RAD54B: variants seen among roughly 807,000 people sequenced by gnomAD.
RAD54B encodes the protein RAD54 homolog B, also known as DNA repair and recombination protein RAD54B.
In RAD54B, 78 loss-of-function variants were observed where a neutral mutation model predicts 95.8. The observed-to-expected ratio is 0.81, with a 90% CI of 0.68 to 0.98. RAD54B has a LOEUF of 0.98. Ranked by LOEUF, RAD54B falls within the 50% of genes least tolerant of loss-of-function variation. The pLI is 0.00. For synonymous variants in RAD54B, 328 were observed against 354.9 expected (o/e 0.92, Z 0.85); for missense variants, 957 against 1,056.6 (o/e 0.91, Z 1.31).
chr8:94,407,789 C>A, intron 4 of RAD54B, 69 bp from the exon 5 acceptor site: 2 of 1,331,394 alleles, frequency 1.5e-6, no homozygotes, highest in Non-Finnish European at 1.0e-6. Flanking sequence ...CGTAACTGTA[C>A]AAAAAAACTG....
intron 1 of RAD54B, among the ~76,000 whole-genome samples, chr8:94,474,454 T>G (rs544864917): frequency 5.9e-5 from 9 of 152,242 alleles, no homozygotes; most frequent in Non-Finnish European, 1.0e-4. Context: ...CATTTTCCAT[T>G]TGGGATATTT....
intron 11 of RAD54B, among the ~76,000 whole-genome samples, 199 bp from the exon 12 acceptor site, chr8:94,380,605 G>T (rs774895309): frequency 6.6e-6 from 1 of 152,142 alleles, no homozygotes; most frequent in African/African-American, 2.4e-5. Flanking sequence ...AAGACAGTGC[G>T]GCAAAGACCT....
chr8:94,424,425 A>G (rs75743797), intron 3 of RAD54B, among the ~76,000 whole-genome samples: 413 of 152,324 alleles, frequency 2.7e-3, no homozygotes, highest in African/African-American at 9.5e-3. Flanking sequence ...TGTTTACACC[A>G]TCAACATTTG....
Position 94,459,368 on chromosome 8 carries a change from T to C in RAD54B, c.136-932A>G, listed in dbSNP as rs79320883. On this transcript the variant is annotated intron_variant, in intron 2 of 14. Transcript: ENST00000336148. ...GGTCTCACTATGTTGCCCAGGCTGG[T>C]CTGAACTCCTGGCCTCAAGCAATCT... Among the ~76,000 whole-genome samples, 132 of 151,758 alleles carry C rather than the reference T, an allele frequency of 8.7e-4. 1 individual carries two copies. Among genetic ancestry groups the C allele is most frequent in the East Asian group, 5.9e-4 (3 of 5,092 alleles).
At chr8:94,384,510 G>A (rs1810822852) in intron 11 of RAD54B, among the ~76,000 whole-genome samples, 2 of 35,598 alleles carry the variant, frequency 5.6e-5, no homozygotes, top group South Asian at 1.5e-3. Flanking sequence ...AGGAGTTGGT[G>A]TTTAATAGAT....
chr8:94,416,784 G>A (rs1409938014), intron 3 of RAD54B, among the ~76,000 whole-genome samples: 1 of 152,116 alleles, frequency 6.6e-6, no homozygotes, highest in African/African-American at 2.4e-5. Flanking sequence ...CTGCTGGTAG[G>A]AGTATAAAAT....
chr8:94,461,160 C>CTTTTTTTTTTT (rs57563259), intron 2 of RAD54B, among the ~76,000 whole-genome samples: 1 of 59,976 alleles, frequency 1.7e-5, no homozygotes, highest in African/African-American at 7.8e-5. Flanking sequence ...AAATACTCAT[C>CTTTTTTTTTTT]TTTTTTTTTT....
chr8:94,391,465 A>G (rs1811017129), intron 10 of RAD54B, 144 bp downstream of exon 10: 1 of 738,444 alleles, frequency 1.4e-6, no homozygotes, highest in Non-Finnish European at 2.1e-6. Flanking sequence ...GATAAGCTCT[A>G]CAGCAGAACC....
At chr8:94,454,496 T>C (rs1442557945) in intron 3 of RAD54B, among the ~76,000 whole-genome samples, 2 of 152,246 alleles carry the variant, frequency 1.3e-5, no homozygotes, top group Admixed American at 1.3e-4. Flanking sequence ...TAAAATATTT[T>C]AAAATATATT....
intron 6 of RAD54B, 55 bp from the exon 7 acceptor site, chr8:94,400,518 T>A: frequency 7.2e-7 from 1 of 1,390,374 alleles, no homozygotes; most frequent in Non-Finnish European, 9.8e-7. Flanking sequence ...TTTTATGCTC[T>A]TAAAATCATC....
intron 2 of RAD54B, among the ~76,000 whole-genome samples, chr8:94,459,744 C>G (rs1411139824): frequency 1.3e-5 from 2 of 151,784 alleles, no homozygotes; most frequent in Non-Finnish European, 2.9e-5. Flanking sequence ...CCTGTAATCC[C>G]AGCTGCTCAG....
rs1469067345 is a variant in RAD54B at position 94,387,109 on chromosome 8, G to A, written c.1860C>T (p.Tyr620=). The A allele has an allele frequency of 6.2e-7, 1 of 1,607,422 alleles. No individual in the cohort carries two copies. The highest frequency in any genetic ancestry group is 8.5e-7 in the Non-Finnish European group (1 of 1,177,662). Residue 620 remains tyrosine, a synonymous_variant, in exon 11 of 15, where the codon TAC becomes TAT. Transcript: ENST00000336148. ...TCDKNEEKSL[Y]KGLLSVFPAD... is the part of the protein sequence containing the mutation. ...CAGGAAACACACTTAGCAAGCCTTT[G>A]TATAGACTCTTTTCTTCATTTTTAT...
At chr8:94,455,831 T>C (rs1812766575) in intron 3 of RAD54B, among the ~76,000 whole-genome samples, 1 of 152,212 alleles carries the variant, frequency 6.6e-6, no homozygotes, top group African/African-American at 2.4e-5. Context: ...TCTGTGTTTC[T>C]ATCTCTTTCT....
chr8:94,417,797 A>G (rs182001737), intron 3 of RAD54B, among the ~76,000 whole-genome samples: 20 of 152,342 alleles, frequency 1.3e-4, no homozygotes, highest in African/African-American at 4.3e-4. Context: ...GATAAATTGT[A>G]TCTTCATTAC....
At chr8:94,429,928 C>CCA (rs1812043941) in intron 3 of RAD54B, 1 of 985,262 alleles carries the variant, frequency 1.0e-6, no homozygotes, top group Non-Finnish European at 1.2e-6. Flanking sequence ...TCCCTAAATG[C>CCA]CACTCCTCCT....
intron 3 of RAD54B, among the ~76,000 whole-genome samples, chr8:94,420,783 G>A (rs1262554558): frequency 2.0e-5 from 3 of 151,970 alleles, no homozygotes; most frequent in East Asian, 1.9e-4. Flanking sequence ...TCAGGAGTTC[G>A]AGACAAGCTT....
At chr8:94,434,658 T>G (rs898073356) in intron 3 of RAD54B, among the ~76,000 whole-genome samples, 1 of 151,234 alleles carries the variant, frequency 6.6e-6, no homozygotes, top group Non-Finnish European at 1.5e-5. Flanking sequence ...ATTATTAAGA[T>G]TCAAGGATGA....
intron 10 of RAD54B, among the ~76,000 whole-genome samples, chr8:94,388,466 G>A (rs942022362): frequency 2.0e-5 from 3 of 152,184 alleles, no homozygotes; most frequent in African/African-American, 7.2e-5. Context: ...TCGTAGTTCA[G>A]TTTTGGGGGA....
chr8:94,411,790 G>A (rs546073924), intron 3 of RAD54B, among the ~76,000 whole-genome samples: 1 of 152,098 alleles, frequency 6.6e-6, no homozygotes, highest in African/African-American at 2.4e-5. Context: ...ATATGTAGGT[G>A]CACAACATTC....
Sources: gnomAD v4.1 joint callset for allele counts (sites outside exome capture counted in the v4.1 genomes callset) on GRCh38, gnomAD v4.1.1 for gene constraint, MANE v1.5 for transcripts, NCBI Gene and HGNC (gene_info 2026-07-23, HGNC 2026-07-21) for gene names.